Variants in KIF5B observed in about 807,000 individuals in gnomAD.
The protein encoded by KIF5B is kinesin family member 5B.
In KIF5B, 49 loss-of-function variants were observed where a neutral mutation model predicts 132.8. The observed-to-expected ratio is 0.37, with a 90% CI of 0.29 to 0.47. KIF5B has a LOEUF of 0.47. Ranked by LOEUF, KIF5B falls within the 20% of genes least tolerant of loss-of-function variation. The probability of loss-of-function intolerance (pLI) is 1.00; values close to 1 mark genes in which losing one functional copy is unlikely to be tolerated. For synonymous variants in KIF5B, 355 were observed against 369.4 expected (o/e 0.96, Z 0.45); for missense variants, 780 against 1,144.0 (o/e 0.68, Z 4.59).
intron 3 of KIF5B, among the ~76,000 whole-genome samples, chr10:32,039,769 A>G (rs138941745): frequency 2.0e-4 from 30 of 152,318 alleles, no homozygotes; most frequent in Middle Eastern, 3.4e-3. Flanking sequence ...AGGCAAATTC[A>G]TGCAAATACT....
At chr10:32,039,888 T>C (rs922442539) in intron 3 of KIF5B, among the ~76,000 whole-genome samples, 3 of 152,172 alleles carry the variant, frequency 2.0e-5, no homozygotes. Context: ...TAAAAACAGA[T>C]GCTCTTTAGC....
chr10:32,045,030 A>G (rs1237796568), intron 2 of KIF5B, among the ~76,000 whole-genome samples: 2 of 152,248 alleles, frequency 1.3e-5, no homozygotes, highest in African/African-American at 4.8e-5. Context: ...GTAATAAAAC[A>G]GAACAAAAGT....
rs1341768577 is a variant in KIF5B at position 32,020,741 on chromosome 10, A to G, written c.2204+281T>C. 3.9e-5 allele frequency among the ~76,000 whole-genome samples: 6 copies of G among 152,270 alleles called. No homozygotes were observed. In the East Asian group the frequency reaches 1.2e-3, roughly 29 times the overall value. Reference sequence around the variant, plus strand: ...CACCCAGCCAAGAATTTTTTTAAAAAAGGAAACTAAATAAAGGATTTGGAG... The same window carrying G: ...CACCCAGCCAAGAATTTTTTTAAAAGAGGAAACTAAATAAAGGATTTGGAG... On this transcript the variant is annotated intron_variant, in intron 19 of 25. Coordinates refer to ENST00000302418, the MANE Select transcript of KIF5B (RefSeq NM_004521.3).
intron 11 of KIF5B, 72 bp from the exon 12 acceptor site, chr10:32,034,110 A>C: frequency 4.0e-6 from 4 of 1,006,218 alleles, no homozygotes; most frequent in Middle Eastern, 2.2e-4. Flanking sequence ...TTCCTTTAAA[A>C]ATTTTTTTTT....
At chr10:32,041,161 A>C (rs1050772099) in intron 2 of KIF5B, among the ~76,000 whole-genome samples, 2 of 151,884 alleles carry the variant, frequency 1.3e-5, no homozygotes, top group African/African-American at 4.8e-5. Context: ...AAAAAAAAAA[A>C]AACCAAAATT....
chr10:32,031,225 G>A lies in KIF5B; in HGVS notation c.1429C>T (p.Leu477Phe). The change falls in exon 14 of 26, where the codon CTT (leucine) becomes TTT (phenylalanine). Residue 477 changes from leucine to phenylalanine, a missense_variant. By Grantham distance (22) the Leu-to-Phe change is conservative. Around this residue, in one of 9 missense-constraint regions of KIF5B, gnomAD observed 471 missense variants for 569.9 expected, o/e 0.83. Transcript: ENST00000302418. ...TTAGAGGCATCATTTTCTGCTTGAA[G>A]GCGATTCAGCTCAGCTTGCATATTG... ...QDNMQAELNR[L>F]QAENDASKEE... is the part of the protein sequence containing the mutation. The A allele has an allele frequency of 6.2e-7, 1 of 1,613,976 alleles. No homozygotes were observed. Among genetic ancestry groups the A allele is most frequent in the Non-Finnish European group, 8.5e-7 (1 of 1,179,996 alleles).
intron 13 of KIF5B, among the ~76,000 whole-genome samples, chr10:32,032,386 C>G (rs1380554619): frequency 6.6e-6 from 1 of 151,960 alleles, no homozygotes; most frequent in Non-Finnish European, 1.5e-5. Context: ...CCACCACCCC[C>G]ACAAAAAAAT....
At chr10:32,032,632 G>A (rs1841415993) in intron 13 of KIF5B, 74 bp downstream of exon 13, 1 of 1,156,110 alleles carries the variant, frequency 8.6e-7, no homozygotes, top group East Asian at 2.3e-5. Flanking sequence ...AACTATTAAA[G>A]ACAAAGTCAA....
Position 32,056,043 on chromosome 10 carries a change from A to T in KIF5B, c.-70T>A. On this transcript the variant is annotated 5_prime_UTR_variant, in exon 1 of 26. Coordinates refer to ENST00000302418, the MANE Select transcript of KIF5B (RefSeq NM_004521.3). ...CTCAGTCTTGCAGGGAACGCGCCGG[A>T]CCTGAGGGCTTGTGGTCGCGAGGGC... 1 of 1,571,698 alleles carries T rather than the reference A, an allele frequency of 6.4e-7. No homozygotes were observed. Among genetic ancestry groups the T allele is most frequent in the Admixed American group, 1.8e-5 (1 of 57,070 alleles).
intron 2 of KIF5B, among the ~76,000 whole-genome samples, chr10:32,046,745 C>A (rs1200852425): frequency 6.6e-6 from 1 of 152,164 alleles, no homozygotes; most frequent in Non-Finnish European, 1.5e-5. Flanking sequence ...CCTCGGAAGT[C>A]AACTCCATGA....
chr10:32,018,024 A>G (rs759427477), intron 23 of KIF5B, 28 bp downstream of exon 23: 2 of 1,268,496 alleles, frequency 1.6e-6, no homozygotes, highest in Non-Finnish European at 2.2e-6. Flanking sequence ...ACTATCTTGC[A>G]GCTACCAGAA....
chr10:32,023,395 T>G (rs776496660), intron 15 of KIF5B, among the ~76,000 whole-genome samples: 1 of 152,238 alleles, frequency 6.6e-6, no homozygotes, highest in African/African-American at 2.4e-5. Context: ...TTGTTAATCA[T>G]GTGCACGTTC....
intron 19 of KIF5B, among the ~76,000 whole-genome samples, chr10:32,020,382 A>T (rs901683051): frequency 2.1e-5 from 3 of 140,662 alleles, no homozygotes; most frequent in Non-Finnish European, 4.6e-5. Context: ...ATGACAACTT[A>T]AAAAAAAAAA....
Position 32,031,073 on chromosome 10 carries a change from C to T in KIF5B, c.1581G>A (p.Ser527=), listed in dbSNP as rs749487701. The change falls in exon 14 of 26, where the codon TCG becomes TCA. Residue 527 remains serine (S), a splice_region_variant and synonymous_variant. Transcript: ENST00000302418. ...ELLSDELNQK[S]ATLASIDAEL... ...AAAAGAAAATAAAACTATATCCTACCGATTTCTGATTCAATTCATCACTAA... is the reference window on the plus strand; with the variant it reads ...AAAAGAAAATAAAACTATATCCTACTGATTTCTGATTCAATTCATCACTAA... The T allele has an allele frequency of 5.0e-6, 8 of 1,603,184 alleles. No homozygotes were observed. Among genetic ancestry groups the T allele is most frequent in the East Asian group, 2.2e-5 (1 of 44,800 alleles).
At chr10:32,042,767 T>C (rs1449093832) in intron 2 of KIF5B, among the ~76,000 whole-genome samples, 4 of 152,210 alleles carry the variant, frequency 2.6e-5, no homozygotes, top group Non-Finnish European at 1.5e-5. Context: ...AAAAAACATA[T>C]TTAGGTAGTG....
intron 2 of KIF5B, among the ~76,000 whole-genome samples, chr10:32,047,164 T>C (rs1424172954): frequency 6.6e-6 from 1 of 152,194 alleles, no homozygotes; most frequent in Admixed American, 6.5e-5. Context: ...TTTTAAGTTG[T>C]TCTAAGTCAG....
intron 15 of KIF5B, 42 bp downstream of exon 15, chr10:32,028,386 G>A (rs373466862): frequency 1.2e-4 from 184 of 1,508,866 alleles, no homozygotes; most frequent in Non-Finnish European, 1.6e-4. Context: ...AAGTGCCAGT[G>A]TATACAGATA....
intron 1 of KIF5B, among the ~76,000 whole-genome samples, 161 bp downstream of exon 1, chr10:32,055,687 G>A (rs1228658928): frequency 7.9e-5 from 12 of 152,166 alleles, no homozygotes; most frequent in African/African-American, 2.7e-4. Flanking sequence ...GCGAGGCTGC[G>A]CAGTCTCCCT....
intron 1 of KIF5B, among the ~76,000 whole-genome samples, chr10:32,053,453 G>A (rs1841718144): frequency 1.3e-5 from 2 of 150,948 alleles, no homozygotes; most frequent in Non-Finnish European, 2.9e-5. Context: ...GGCCAGGCGT[G>A]GTGGCTCATG....
Sources: gnomAD v4.1 joint callset for allele counts (sites outside exome capture counted in the v4.1 genomes callset) on GRCh38, gnomAD v4.1.1 for gene constraint, gnomAD v4.1.1 regional missense constraint, MANE v1.5 for transcripts, NCBI Gene and HGNC (gene_info 2026-07-23, HGNC 2026-07-21) for gene names.